Variants in ADGRV1 observed in about 807,000 individuals in gnomAD.
ADGRV1 encodes the protein G-protein coupled receptor 98.
ADGRV1 carries 359 observed loss-of-function variants against 596.2 expected under a neutral mutation model. The ratio of observed to expected loss-of-function variants is 0.60; its 90% confidence interval spans 0.55 to 0.66. The LOEUF is 0.66. Ranked by LOEUF, ADGRV1 falls within the 30% of genes least tolerant of loss-of-function variation. The probability of loss-of-function intolerance (pLI) is 0.00; values close to 1 mark genes in which losing one functional copy is unlikely to be tolerated. For missense variants in ADGRV1, 7,274 were observed against 7,575.6 expected, an observed-to-expected ratio of 0.96 and a Z score of 1.48; for synonymous variants, 2,681 against 2,679.2, an observed-to-expected ratio of 1.00 and a Z score of -0.02.
At chr5:90,887,982 G>C (rs1454075046) in intron 83 of ADGRV1, among the ~76,000 whole-genome samples, 2 of 151,932 alleles carry the variant, frequency 1.3e-5, no homozygotes, top group African/African-American at 4.8e-5. Context: ...GATAAAGTAG[G>C]CATTTCCCTA....
intron 54 of ADGRV1, among the ~76,000 whole-genome samples, chr5:90,754,412 A>G (rs1007143045): frequency 6.6e-6 from 1 of 152,204 alleles, no homozygotes; most frequent in African/African-American, 2.4e-5. Flanking sequence ...TCATTTGAAT[A>G]GTCAATGGGA....
In ADGRV1 at chr5:91,149,270, T is replaced by A. The variant is rs115186321; in HGVS notation, c.18433-760T>A. Among the ~76,000 whole-genome samples, 1,077 of 152,346 alleles carry A rather than the reference T, an allele frequency of 7.1e-3. 12 individuals carry two copies. The highest frequency in any genetic ancestry group is 0.025 in the African/African-American group (1,031 of 41,590). ...GGCTCTGTGTTCTCCACAACTCACC[T>A]TGAATTATAATAATCCCCATGTGTC... is the stretch of plus-strand genomic sequence containing the variant. On this transcript the variant is annotated intron_variant, in intron 87 of 89. Transcript: ENST00000405460.
chr5:90,924,314 A>G lies in ADGRV1; in HGVS notation c.17857-41101A>G, dbSNP rs1054493307. Among the ~76,000 whole-genome samples, 122 of 151,270 alleles carry G rather than the reference A, an allele frequency of 8.1e-4. 1 individual carries two copies. Among genetic ancestry groups the G allele is most frequent in the Admixed American group, 7.2e-3 (109 of 15,232 alleles). On this transcript the variant is annotated intron_variant, in intron 83 of 89. Coordinates refer to ENST00000405460, the MANE Select transcript of ADGRV1 (RefSeq NM_032119.4). ...CCTGTTGTTTCCTGACTTTTTAATG[A>G]TTGCCATTCTAACTGGTGTGAGATG...
At chr5:90,741,157 C>T (rs1324719718) in intron 50 of ADGRV1, among the ~76,000 whole-genome samples, 1 of 152,098 alleles carries the variant, frequency 6.6e-6, no homozygotes, top group Non-Finnish European at 1.5e-5. Context: ...CTCCTCATCC[C>T]TGTGGAATGC....
intron 77 of ADGRV1, among the ~76,000 whole-genome samples, chr5:90,834,443 A>G (rs541986469): frequency 6.6e-6 from 1 of 152,300 alleles, no homozygotes; most frequent in African/African-American, 2.4e-5. Context: ...TTCAGCACTT[A>G]CTAAACATGT....
chr5:90,813,669 C>G (rs947417221), intron 74 of ADGRV1, among the ~76,000 whole-genome samples: 1 of 152,172 alleles, frequency 6.6e-6, no homozygotes, highest in African/African-American at 2.4e-5. Context: ...CTGACTACAC[C>G]ACCAGGCACA....
rs546385937 is a variant in ADGRV1, at chr5:90,690,070, T to C, written c.6700T>C (p.Leu2234=). The change falls in exon 30 of 90, where the codon TTA becomes CTA. Residue 2234 remains leucine, a synonymous_variant. Coordinates refer to ENST00000405460, the MANE Select transcript of ADGRV1 (RefSeq NM_032119.4). The part of the protein sequence containing the change: ...IIEASDDPYG[L]FGFQITKLIV... Reference sequence around the variant, plus strand: ...TGAGGCCTCTGATGACCCCTATGGATTATTTGGTATGAAGACTAATTTATG... The same window carrying C: ...TGAGGCCTCTGATGACCCCTATGGACTATTTGGTATGAAGACTAATTTATG... 194 of 1,525,498 alleles carry C rather than the reference T, an allele frequency of 1.3e-4. 2 individuals are homozygous for C. The South Asian group carries it at 2.1e-3, about 16-fold the overall frequency. The allele number at this position is 1,525,498 out of a possible 1,614,324, so 94.5% of individuals were successfully genotyped here. A position where few individuals can be genotyped will look rare whatever the true frequency, so the allele number is the denominator to read the frequency against.
intron 83 of ADGRV1, among the ~76,000 whole-genome samples, chr5:90,909,397 A>G (rs1772635612): frequency 1.3e-5 from 2 of 151,878 alleles, no homozygotes; most frequent in South Asian, 4.2e-4. Context: ...CCTGTGACCT[A>G]TATGTTGTAA....
intron 85 of ADGRV1, among the ~76,000 whole-genome samples, chr5:91,014,176 C>CACACACACACACACACACACACCCA (rs56292568): frequency 8.1e-6 from 1 of 124,076 alleles, no homozygotes; most frequent in South Asian, 2.6e-4. Context: ...ACACACACAC[C>CACACACACACACACACACACACCCA]CCTAGACATA....
chr5:90,647,742 T>G lies in ADGRV1; in HGVS notation c.3267T>G (p.Tyr1089Ter), dbSNP rs760989924. Residue 1089 changes from tyrosine (Y) to a stop codon, truncating the protein, a stop_gained, in exon 17 of 90, where the codon TAT becomes TAG. Transcript: ENST00000405460. LOFTEE classifies it high-confidence loss of function. ...DGIPETDEPF[Y>*]IILLNSTGDT... is the part of the protein sequence containing the mutation. ...TCCCGGAAACAGATGAGCCCTTTTATATAATCCTCTTGAATTCAACAGGTA... is the reference window on the plus strand; with the variant it reads ...TCCCGGAAACAGATGAGCCCTTTTAGATAATCCTCTTGAATTCAACAGGTA... 1 of 1,613,032 alleles carries G rather than the reference T, an allele frequency of 6.2e-7. No homozygotes were observed. The highest frequency in any genetic ancestry group is 8.5e-7 in the Non-Finnish European group (1 of 1,179,298).
chr5:90,629,642 G>C, intron 9 of ADGRV1, 103 bp downstream of exon 9: 1 of 873,768 alleles, frequency 1.1e-6, no homozygotes, highest in Non-Finnish European at 1.7e-6. Context: ...TTATTTTGCC[G>C]TCATTTATAT....
intron 87 of ADGRV1, among the ~76,000 whole-genome samples, chr5:91,141,985 A>G (rs1352731834): frequency 6.6e-6 from 1 of 152,212 alleles, no homozygotes; most frequent in African/African-American, 2.4e-5. Context: ...CCAACCCAGA[A>G]AAGCATTGAC....
At chr5:90,766,189 G>T (rs919973762) in intron 59 of ADGRV1, among the ~76,000 whole-genome samples, 5 of 152,064 alleles carry the variant, frequency 3.3e-5, no homozygotes, top group Admixed American at 6.5e-5. Flanking sequence ...GATTACAGGC[G>T]TGAGCCACTG....
rs943081795 is a variant in ADGRV1, at chr5:90,851,224, G to C, written c.17205-2060G>C. Among the ~76,000 whole-genome samples the C allele has an allele frequency of 2.6e-5, 4 of 151,442 alleles. No individual in the cohort carries two copies. In the South Asian group the frequency reaches 6.3e-4, roughly 24 times the overall value. Reference sequence around the variant, plus strand: ...ATGTTGAGAAGAGTGTTAAAGGTTAGAGAATAGGGCAAATAAAGAAATAGG... The same window carrying C: ...ATGTTGAGAAGAGTGTTAAAGGTTACAGAATAGGGCAAATAAAGAAATAGG... On this transcript the variant is annotated intron_variant, in intron 79 of 89. Coordinates refer to ENST00000405460, the MANE Select transcript of ADGRV1 (RefSeq NM_032119.4).
intron 64 of ADGRV1, among the ~76,000 whole-genome samples, chr5:90,780,287 A>G (rs897257520): frequency 8.5e-5 from 13 of 152,320 alleles, no homozygotes; most frequent in African/African-American, 3.1e-4. Context: ...GGTAAGTAGT[A>G]CAATTAGCTA....
chr5:91,014,387 C>T (rs1783006683), intron 85 of ADGRV1, among the ~76,000 whole-genome samples: 2 of 152,048 alleles, frequency 1.3e-5, no homozygotes, highest in Non-Finnish European at 2.9e-5. Flanking sequence ...ATGCTGGCCT[C>T]ATAGCATGAG....
intron 54 of ADGRV1, among the ~76,000 whole-genome samples, chr5:90,754,366 A>G (rs1005510236): frequency 6.6e-6 from 1 of 152,192 alleles, no homozygotes; most frequent in African/African-American, 2.4e-5. Context: ...TAAGATTTTC[A>G]CGTAATAACA....
chr5:90,853,952 A>G, intron 80 of ADGRV1, 110 bp from the exon 81 acceptor site: 1 of 785,376 alleles, frequency 1.3e-6, no homozygotes, highest in Non-Finnish European at 2.1e-6. Context: ...ACAGTGAAAG[A>G]AAACAAATGA....
In ADGRV1 at chr5:90,805,341, G is replaced by A. The variant is rs373391623; in HGVS notation, c.14719G>A (p.Val4907Ile). Residue 4907 changes from valine to isoleucine, a missense_variant, in exon 72 of 90, where the codon GTT (valine) becomes ATT (isoleucine). Transcript: ENST00000405460. Reference sequence around the variant, plus strand: ...GAACATCACTGCTGGCACAAGCCACGTTATGATTTCTAGGAGAGGCACATA... The same window carrying A: ...GAACATCACTGCTGGCACAAGCCACATTATGATTTCTAGGAGAGGCACATA... ...LMNITAGTSH[V>I]MISRRGTYGA... The A allele has an allele frequency of 1.8e-5, 29 of 1,612,314 alleles. No homozygotes were observed. Among genetic ancestry groups the A allele is most frequent in the Middle Eastern group, 1.6e-4 (1 of 6,080 alleles).
Sources: gnomAD v4.1 joint callset for allele counts (sites outside exome capture counted in the v4.1 genomes callset) on GRCh38, gnomAD v4.1.1 for gene constraint, MANE v1.5 for transcripts, NCBI Gene and HGNC (gene_info 2026-07-23, HGNC 2026-07-21) for gene names.